Variants in VWC2 observed in about 807,000 individuals in gnomAD.
VWC2 encodes brorin.
Under a neutral mutation model 29.8 loss-of-function variants are expected in VWC2, and 14 were observed. The observed-to-expected ratio is 0.47, with a 90% CI of 0.31 to 0.74. The LOEUF is 0.74. Among genes scored for constraint, VWC2 ranks in the 30% least tolerant of loss-of-function variants. The pLI, the probability that VWC2 is intolerant of heterozygous loss-of-function variation, is 0.05. For synonymous variants in VWC2, 213 were observed against 199.0 expected (o/e 1.07, Z -0.59); for missense variants, 457 against 459.8 (o/e 0.99, Z 0.05).
At chr7:49,828,022 A>G (rs1371498325) in intron 3 of VWC2, among the ~76,000 whole-genome samples, 1 of 152,158 alleles carries the variant, frequency 6.6e-6, no homozygotes, top group Non-Finnish European at 1.5e-5. Flanking sequence ...ATTACCATGT[A>G]ATTCCCATCC....
rs559897155 is a variant in VWC2, at chr7:49,804,352, G to T, written c.826+1512G>T. ...TCTCGGTGTGGCTTTCAGCACACCCGCTGAGGAGCCCGAGTGAGCGCCTCT... is the reference window on the plus strand; with the variant it reads ...TCTCGGTGTGGCTTTCAGCACACCCTCTGAGGAGCCCGAGTGAGCGCCTCT... On this transcript the variant is annotated intron_variant, in intron 3 of 3. Coordinates refer to ENST00000340652, the MANE Select transcript of VWC2 (RefSeq NM_198570.5). 7.2e-5 allele frequency among the ~76,000 whole-genome samples: 11 copies of T among 152,114 alleles called. No homozygotes were observed. In the South Asian group the frequency reaches 1.3e-3, roughly 17 times the overall value.
intron 3 of VWC2, among the ~76,000 whole-genome samples, chr7:49,838,943 C>T (rs1037246340): frequency 3.7e-4 from 56 of 152,062 alleles, no homozygotes; most frequent in African/African-American, 1.3e-3. Flanking sequence ...GCTTTAATCC[C>T]CAGTGTGACA....
intron 3 of VWC2, among the ~76,000 whole-genome samples, chr7:49,891,842 C>A (rs1455871428): frequency 6.6e-6 from 1 of 152,070 alleles, no homozygotes; most frequent in Non-Finnish European, 1.5e-5. Flanking sequence ...CTTTTAATAG[C>A]TACCACTATA....
chr7:49,853,327 C>T (rs1387921528), intron 3 of VWC2, among the ~76,000 whole-genome samples: 1 of 152,246 alleles, frequency 6.6e-6, no homozygotes, highest in African/African-American at 2.4e-5. Flanking sequence ...TGGGGGCACA[C>T]CCCTGTCCCT....
At chr7:49,826,964 A>G (rs1789407810) in intron 3 of VWC2, among the ~76,000 whole-genome samples, 3 of 152,062 alleles carry the variant, frequency 2.0e-5, no homozygotes, top group East Asian at 1.9e-4. Context: ...TATCTTTAGC[A>G]TGTTCAGTAT....
At chr7:49,790,459 G>GA (rs897806241) in intron 2 of VWC2, among the ~76,000 whole-genome samples, 28 of 151,646 alleles carry the variant, frequency 1.8e-4, no homozygotes, top group South Asian at 4.2e-4. Flanking sequence ...AGACAGAACA[G>GA]AAAAAAAAAT....
chr7:49,871,915 A>G (rs1791169652), intron 3 of VWC2, among the ~76,000 whole-genome samples: 2 of 20,616 alleles, frequency 9.7e-5, no homozygotes, highest in African/African-American at 5.4e-4. Flanking sequence ...ATAAACACAC[A>G]CACACACACA....
chr7:49,903,703 T>C (rs973159695), intron 3 of VWC2, among the ~76,000 whole-genome samples: 2 of 152,170 alleles, frequency 1.3e-5, no homozygotes, highest in African/African-American at 4.8e-5. Context: ...TATGCACATA[T>C]TATTGAAGTG....
intron 2 of VWC2, among the ~76,000 whole-genome samples, chr7:49,786,969 T>C (rs1439569066): frequency 1.3e-5 from 2 of 152,208 alleles, no homozygotes; most frequent in Admixed American, 6.5e-5. Flanking sequence ...GTGCAGAAGC[T>C]CTTTAGTTTA....
At chr7:49,815,665 A>G (rs1789124918) in intron 3 of VWC2, among the ~76,000 whole-genome samples, 1 of 152,192 alleles carries the variant, frequency 6.6e-6, no homozygotes, top group Non-Finnish European at 1.5e-5. Flanking sequence ...TGATGTGAAA[A>G]CCAATGATCA....
At chr7:49,800,476 C>T (rs1046224572) in intron 2 of VWC2, among the ~76,000 whole-genome samples, 3 of 152,098 alleles carry the variant, frequency 2.0e-5, no homozygotes, top group Non-Finnish European at 4.4e-5. Context: ...TGTGCTGCTT[C>T]GTGAGGACAG....
chr7:49,834,490 T>C (rs1181890250), intron 3 of VWC2, among the ~76,000 whole-genome samples: 1 of 152,176 alleles, frequency 6.6e-6, no homozygotes, highest in Non-Finnish European at 1.5e-5. Flanking sequence ...TGGGGATTAT[T>C]CCACAGATCT....
chr7:49,886,058 A>G (rs902442430), intron 3 of VWC2, among the ~76,000 whole-genome samples: 13 of 152,208 alleles, frequency 8.5e-5, no homozygotes, highest in Non-Finnish European at 1.8e-4. Flanking sequence ...TGTGTGCAAG[A>G]GCCTGGAGAT....
At chr7:49,858,770 G>A (rs1359888376) in intron 3 of VWC2, among the ~76,000 whole-genome samples, 1 of 152,032 alleles carries the variant, frequency 6.6e-6, no homozygotes, top group Non-Finnish European at 1.5e-5. Context: ...TTTACCTTCA[G>A]TTTTGTTACT....
intron 2 of VWC2, among the ~76,000 whole-genome samples, chr7:49,777,498 C>T (rs2128700754): frequency 6.6e-6 from 1 of 152,326 alleles, no homozygotes; most frequent in Admixed American, 6.5e-5. Context: ...GAACAAAAGA[C>T]ATATGCCCTC....
intron 3 of VWC2, among the ~76,000 whole-genome samples, chr7:49,830,595 T>G (rs1231118975): frequency 2.6e-5 from 4 of 152,192 alleles, no homozygotes; most frequent in Non-Finnish European, 5.9e-5. Flanking sequence ...TGTATACTTG[T>G]GCCATGTTGG....
intron 3 of VWC2, among the ~76,000 whole-genome samples, chr7:49,867,384 C>T (rs1274743597): frequency 6.6e-6 from 1 of 152,172 alleles, no homozygotes. Context: ...CTCCCTAGCA[C>T]AGAGAGGACA....
chr7:49,866,125 T>TGG (rs1372494563), intron 3 of VWC2, among the ~76,000 whole-genome samples: 2 of 152,198 alleles, frequency 1.3e-5, no homozygotes, highest in Non-Finnish European at 2.9e-5. Flanking sequence ...CTCCTTCATA[T>TGG]CGCCTCTAAA....
intron 2 of VWC2, among the ~76,000 whole-genome samples, chr7:49,787,898 C>G (rs1396288906): frequency 6.6e-6 from 1 of 152,176 alleles, no homozygotes; most frequent in Non-Finnish European, 1.5e-5. Context: ...TAGGTAACAG[C>G]AAGGGATGAC....
Sources: gnomAD v4.1 joint callset for allele counts (sites outside exome capture counted in the v4.1 genomes callset) on GRCh38, gnomAD v4.1.1 for gene constraint, MANE v1.5 for transcripts, NCBI Gene and HGNC (gene_info 2026-07-23, HGNC 2026-07-21) for gene names.